PLCE1: variants seen among roughly 807,000 people sequenced by gnomAD.
The protein encoded by PLCE1 is 1-phosphatidylinositol 4,5-bisphosphate phosphodiesterase epsilon-1.
PLCE1 carries 119 observed loss-of-function variants against 242.8 expected under a neutral mutation model. The observed-to-expected ratio is 0.49, with a 90% CI of 0.42 to 0.57. PLCE1 has a LOEUF of 0.57. PLCE1 is among the 20% of genes least tolerant of loss of function. The probability of loss-of-function intolerance (pLI) is 0.00; values close to 1 mark genes in which losing one functional copy is unlikely to be tolerated. For synonymous variants in PLCE1, 945 were observed against 1,017.4 expected (o/e 0.93, Z 1.35); for missense variants, 2,441 against 2,788.8 (o/e 0.88, Z 2.81).
chr10:94,320,553 A>T (rs2053761267), intron 29 of PLCE1, among the ~76,000 whole-genome samples: 2 of 152,178 alleles, frequency 1.3e-5, no homozygotes, highest in African/African-American at 2.4e-5. Context: ...CAACTCATGG[A>T]TTCTTCTGGT....
chr10:94,254,621 C>T (rs538453858), intron 10 of PLCE1, among the ~76,000 whole-genome samples: 2 of 152,302 alleles, frequency 1.3e-5, no homozygotes, highest in Non-Finnish European at 2.9e-5. Context: ...CTGGCCACAT[C>T]TAAGAATAAC....
At position 94,269,094 on chromosome 10, in the gene PLCE1, CTTTTTTTTTT is replaced by C. The variant is rs71031565; in HGVS notation, c.4389+74_4389+83del. ...ACAAAGAGACATTATCTTCATTTGTCTTTTTTTTTTTTTTTTTTTTTTTTTGAGACGGGTT... is the reference window on the plus strand; with the variant it reads ...ACAAAGAGACATTATCTTCATTTGTCTTTTTTTTTTTTTTTGAGACGGGTT... On this transcript the variant is annotated intron_variant, in intron 17 of 32. Transcript: ENST00000371380. 100 of 313,318 alleles carry C rather than the reference CTTTTTTTTTT, an allele frequency of 3.2e-4. No individual in the cohort carries two copies. In the East Asian group the frequency reaches 6.0e-3, roughly 19 times the overall value. The allele number at this position is 313,318 out of a possible 1,614,324, so 19.4% of individuals were successfully genotyped here.
chr10:94,114,006 T>C (rs2046038410), intron 2 of PLCE1, among the ~76,000 whole-genome samples: 1 of 152,194 alleles, frequency 6.6e-6, no homozygotes, highest in Non-Finnish European at 1.5e-5. Flanking sequence ...TGAGTGTCTC[T>C]CTGGGTCTGT....
At chr10:94,188,068 C>G (rs1473146119) in intron 4 of PLCE1, among the ~76,000 whole-genome samples, 1 of 152,082 alleles carries the variant, frequency 6.6e-6, no homozygotes, top group Non-Finnish European at 1.5e-5. Flanking sequence ...ATCACATCCT[C>G]CCACCCCCCA....
At position 94,298,899 on chromosome 10, in the gene PLCE1, C is replaced by T. The variant is rs2052936639; in HGVS notation, c.5458+230C>T. ...AAGGGGCCTGTAAGGTCTCCTGGTC[C>T]TGCCCCTTTTTTAATGCAGTTTTTC... On this transcript the variant is annotated intron_variant, in intron 24 of 32. Transcript: ENST00000371380. The surrounding 1 kb of genome is among the most constrained non-coding windows in gnomAD (Gnocchi z 5.2). Among the ~76,000 whole-genome samples, 1 of 152,162 alleles carries T rather than the reference C, an allele frequency of 6.6e-6. No homozygotes were observed. Among genetic ancestry groups the T allele is most frequent in the Admixed American group, 6.5e-5 (1 of 15,278 alleles).
At position 94,031,120 on chromosome 10, in the gene PLCE1, C is replaced by T. The variant is rs1464445750; in HGVS notation, c.74C>T (p.Ala25Val). ...AGAAAAGTGGTTTCTGCCCAGTCGG[C>T]TGCAGATGAAAGTAGTGAAAAGGTC... Reference protein sequence around the residue: ...TQRKVVSAQSAADESSEKVSD... With the variant: ...TQRKVVSAQSVADESSEKVSD... The change falls in exon 2 of 33, where the codon GCT becomes GTT. Residue 25 changes from alanine to valine, a missense_variant. Physicochemically the swap from Ala to Val is moderately conservative, Grantham distance 64 (BLOSUM62 0). This residue lies in a region of PLCE1 where 393 missense variants were observed against 378.5 expected (regional missense o/e 1.04). Coordinates refer to ENST00000371380, the MANE Select transcript of PLCE1 (RefSeq NM_016341.4). The T allele has an allele frequency of 6.2e-7, 1 of 1,613,744 alleles. No individual in the cohort carries two copies. The highest frequency in any genetic ancestry group is 8.5e-7 in the Non-Finnish European group (1 of 1,179,752).
chr10:94,070,320 A>G (rs959090694), intron 2 of PLCE1, among the ~76,000 whole-genome samples: 1 of 152,204 alleles, frequency 6.6e-6, no homozygotes, highest in African/African-American at 2.4e-5. Context: ...ATAGAGGATC[A>G]GTTTTTATCC....
At chr10:94,282,451 TATGACA>T (rs2052274247) in intron 20 of PLCE1, among the ~76,000 whole-genome samples, 1 of 152,172 alleles carries the variant, frequency 6.6e-6, no homozygotes, top group African/African-American at 2.4e-5. Context: ...AGACATATTC[TATGACA>T]ATGACAGCAC....
chr10:94,036,612 G>A (rs2061668679), intron 2 of PLCE1, among the ~76,000 whole-genome samples: 1 of 152,126 alleles, frequency 6.6e-6, no homozygotes, highest in Non-Finnish European at 1.5e-5. Flanking sequence ...CCCTTATCCA[G>A]TTACAGTCAT....
intron 7 of PLCE1, among the ~76,000 whole-genome samples, chr10:94,243,073 G>T (rs541441985): frequency 6.6e-6 from 1 of 152,134 alleles, no homozygotes; most frequent in South Asian, 2.1e-4. Flanking sequence ...GTATGGAAAT[G>T]AGTTAAAAAT....
intron 27 of PLCE1, among the ~76,000 whole-genome samples, chr10:94,311,971 T>C (rs1487753087): frequency 6.6e-6 from 1 of 152,144 alleles, no homozygotes; most frequent in African/African-American, 2.4e-5. Flanking sequence ...GGGGAGCTCA[T>C]GGGTCATTTA....
chr10:94,227,509 G>C, intron 5 of PLCE1, 58 bp downstream of exon 5: 1 of 1,487,838 alleles, frequency 6.7e-7, no homozygotes, highest in South Asian at 1.1e-5. Context: ...CACCTGAATG[G>C]CACTGAATTA....
chr10:94,270,004 C>T (rs1260073896), intron 17 of PLCE1, among the ~76,000 whole-genome samples: 1 of 152,154 alleles, frequency 6.6e-6, no homozygotes, highest in Non-Finnish European at 1.5e-5. Context: ...ACTTGGTTTC[C>T]TATTTAGCAT....
intron 2 of PLCE1, among the ~76,000 whole-genome samples, chr10:94,049,410 A>G (rs1397532255): frequency 6.6e-6 from 1 of 152,136 alleles, no homozygotes; most frequent in African/African-American, 2.4e-5. Flanking sequence ...CTCTAATCTG[A>G]CATGTCACCT....
intron 4 of PLCE1, among the ~76,000 whole-genome samples, chr10:94,179,900 G>A (rs1459909130): frequency 6.6e-6 from 1 of 150,676 alleles, no homozygotes; most frequent in African/African-American, 2.4e-5. Context: ...CACTTATCAG[G>A]GACCAAAGAC....
chr10:94,004,897 C>T (rs969626669), intron 1 of PLCE1, among the ~76,000 whole-genome samples: 1 of 152,200 alleles, frequency 6.6e-6, no homozygotes, highest in African/African-American at 2.4e-5. Flanking sequence ...GTTGCTCACT[C>T]TCTCTGTTTC....
At chr10:94,320,135 ACTCT>A (rs1554917021) in intron 29 of PLCE1, among the ~76,000 whole-genome samples, 1 of 151,638 alleles carries the variant, frequency 6.6e-6, no homozygotes, top group African/African-American at 2.4e-5. Context: ...TCTCAATCTT[ACTCT>A]CTGACTGGTT....
intron 4 of PLCE1, among the ~76,000 whole-genome samples, chr10:94,183,510 C>G (rs2048374948): frequency 6.6e-6 from 1 of 152,146 alleles, no homozygotes; most frequent in Non-Finnish European, 1.5e-5. Context: ...GTGCTGCTGC[C>G]CTCCCCATCT....
Position 94,021,659 on chromosome 10 carries a change from T to C in PLCE1, c.-364-9024T>C, listed in dbSNP as rs1301993641. 2.0e-5 allele frequency among the ~76,000 whole-genome samples: 3 copies of C among 152,314 alleles called. No individual in the cohort carries two copies. The East Asian group carries it at 5.8e-4, about 29-fold the overall frequency. On this transcript the variant is annotated intron_variant, in intron 1 of 32. Coordinates refer to ENST00000371380, the MANE Select transcript of PLCE1 (RefSeq NM_016341.4). ...TCAAGATTATTGGAGCTTTGTAGTA[T>C]CTTGAAATTAGGTTAACTTCTCCAA...
Sources: gnomAD v4.1 joint callset for allele counts (sites outside exome capture counted in the v4.1 genomes callset) on GRCh38, gnomAD v4.1.1 for gene constraint, gnomAD v4.1.1 regional missense constraint, Gnocchi (gnomAD v3.1) non-coding constraint, MANE v1.5 for transcripts, NCBI Gene and HGNC (gene_info 2026-07-23, HGNC 2026-07-21) for gene names.